RAD54L2: variants seen among roughly 807,000 people sequenced by gnomAD.
RAD54L2 encodes the protein helicase ARIP4.
RAD54L2 carries 27 observed loss-of-function variants against 138.4 expected under a neutral mutation model. That is an observed-to-expected ratio of 0.20 (90% CI 0.14 to 0.27). The LOEUF (loss-of-function observed/expected upper bound fraction) is 0.27, where lower values mean the gene tolerates loss of function less well. RAD54L2 is among the 10% of genes least tolerant of loss of function. RAD54L2 has a pLI of 1.00. For missense variants in RAD54L2, 1,396 were observed against 1,890.2 expected, an observed-to-expected ratio of 0.74 and a Z score of 4.85; for synonymous variants, 644 against 723.2, an observed-to-expected ratio of 0.89 and a Z score of 1.76.
Position 51,657,665 on chromosome 3 carries a change from A to G in RAD54L2, c.3312A>G (p.Thr1104=). ...AGAGCATCCACATCATCCGTGGGAC[A>G]AAAGGTAAGAGCCTGACCAAGGACC... The part of the protein sequence containing the change: ...AGESIHIIRG[T]KGTYIRTSDG... The change falls in exon 21 of 23, where the codon ACA becomes ACG. Residue 1104 remains threonine (T), a synonymous_variant. Transcript: ENST00000684192. 1 of 1,561,352 alleles carries G rather than the reference A, an allele frequency of 6.4e-7. No individual in the cohort carries two copies. The highest frequency in any genetic ancestry group is 2.3e-5 in the East Asian group (1 of 42,994).
At chr3:51,599,504 A>C (rs916032817) in intron 3 of RAD54L2, among the ~76,000 whole-genome samples, 1 of 151,970 alleles carries the variant, frequency 6.6e-6, no homozygotes, top group Admixed American at 6.6e-5. Flanking sequence ...ATCAAACCTG[A>C]ATAAAGGTGG....
At chr3:51,583,505 C>T (rs1298840411) in intron 2 of RAD54L2, among the ~76,000 whole-genome samples, 2 of 151,684 alleles carry the variant, frequency 1.3e-5, no homozygotes, top group Non-Finnish European at 2.9e-5. Flanking sequence ...CCACAACCTC[C>T]ACCTCCCGGG....
intron 7 of RAD54L2, among the ~76,000 whole-genome samples, chr3:51,631,910 A>G (rs898571374): frequency 6.6e-6 from 1 of 152,208 alleles, no homozygotes; most frequent in African/African-American, 2.4e-5. Context: ...TTAGGATTAC[A>G]GGCGTGAGCC....
chr3:51,643,769 G>C, intron 15 of RAD54L2, 106 bp from the exon 16 acceptor site: 1 of 868,422 alleles, frequency 1.2e-6, no homozygotes, highest in South Asian at 1.4e-5. Context: ...TCTGAGCACT[G>C]TTGTATTTCT....
intron 8 of RAD54L2, 37 bp downstream of exon 8, chr3:51,633,796 C>T (rs1221429672): frequency 6.2e-7 from 1 of 1,611,070 alleles, no homozygotes; most frequent in East Asian, 2.2e-5. Flanking sequence ...TAAGTCACTC[C>T]TGAAGAGCTC....
intron 2 of RAD54L2, among the ~76,000 whole-genome samples, chr3:51,588,809 G>C (rs904601977): frequency 3.9e-5 from 6 of 152,138 alleles, no homozygotes; most frequent in African/African-American, 1.4e-4. Flanking sequence ...GACTGAATGT[G>C]AATGAATGAA....
chr3:51,659,340 T>C (rs1258781157), intron 21 of RAD54L2, among the ~76,000 whole-genome samples: 1 of 152,012 alleles, frequency 6.6e-6, no homozygotes, highest in South Asian at 2.1e-4. Context: ...CTCCTGACCT[T>C]GTGATCCACC....
chr3:51,574,508 T>A (rs892031468), intron 2 of RAD54L2, among the ~76,000 whole-genome samples: 1 of 152,146 alleles, frequency 6.6e-6, no homozygotes, highest in African/African-American at 2.4e-5. Context: ...CCAGCACCTG[T>A]TGTTTCCTGA....
Position 51,577,388 on chromosome 3 carries a change from C to T in RAD54L2, c.-54-12979C>T, listed in dbSNP as rs541916244. Reference sequence around the variant, plus strand: ...GCTTGGTGCAGAGCTGAGTTCAATTCCTGGATATCCTTGTTAAGTTTCTGT... The same window carrying T: ...GCTTGGTGCAGAGCTGAGTTCAATTTCTGGATATCCTTGTTAAGTTTCTGT... On this transcript the variant is annotated intron_variant, in intron 2 of 22. Transcript: ENST00000684192. Among the ~76,000 whole-genome samples the T allele has an allele frequency of 2.1e-4, 32 of 152,180 alleles. 2 individuals are homozygous for T. In the South Asian group the frequency reaches 6.0e-3, roughly 29 times the overall value.
intron 3 of RAD54L2, among the ~76,000 whole-genome samples, chr3:51,608,829 T>C (rs1196785746): frequency 6.6e-6 from 1 of 151,882 alleles, no homozygotes; most frequent in African/African-American, 2.4e-5. Context: ...AGCCTTGGCT[T>C]GGCATCAGAG....
chr3:51,659,548 T>C (rs182075757), intron 21 of RAD54L2, among the ~76,000 whole-genome samples: 31 of 152,350 alleles, frequency 2.0e-4, no homozygotes, highest in African/African-American at 7.5e-4. Context: ...TGCAGGTCTT[T>C]CTTGAATTAT....
At chr3:51,563,533 T>C (rs1471148765) in intron 2 of RAD54L2, among the ~76,000 whole-genome samples, 1 of 152,160 alleles carries the variant, frequency 6.6e-6, no homozygotes, top group East Asian at 1.9e-4. Flanking sequence ...AGCCTCTTTA[T>C]GTCAGGGTGC....
chr3:51,590,708 A>T, intron 3 of RAD54L2, 149 bp downstream of exon 3: 1 of 1,099,072 alleles, frequency 9.1e-7, no homozygotes, highest in South Asian at 1.4e-5. Flanking sequence ...ATGAATTCAG[A>T]TGCTCATTCC....
chr3:51,580,941 T>C (rs771788644), intron 2 of RAD54L2, among the ~76,000 whole-genome samples: 8 of 152,198 alleles, frequency 5.3e-5, no homozygotes, highest in Non-Finnish European at 1.0e-4. Context: ...AATACAAAAG[T>C]ATATATCACA....
chr3:51,587,517 C>T (rs962112569), intron 2 of RAD54L2, among the ~76,000 whole-genome samples: 1 of 152,044 alleles, frequency 6.6e-6, no homozygotes, highest in Non-Finnish European at 1.5e-5. Context: ...TCCCTTAATG[C>T]CCTTTGCAGA....
chr3:51,662,130 G>A lies in RAD54L2; in HGVS notation c.3410-296G>A, dbSNP rs2106859450. On this transcript the variant is annotated intron_variant, in intron 22 of 22. Transcript: ENST00000684192. The surrounding 1 kb of genome is among the most constrained non-coding windows in gnomAD (Gnocchi z 4.6). ...CCAGAAAAAGTTTGACTAGTTTTAA[G>A]AATGATCTCTTAGTGTTTCATATCC... is the stretch of plus-strand genomic sequence containing the variant. Among the ~76,000 whole-genome samples, 1 of 152,226 alleles carries A rather than the reference G, an allele frequency of 6.6e-6. No homozygotes were observed.
At chr3:51,615,295 G>C (rs191988384) in intron 3 of RAD54L2, among the ~76,000 whole-genome samples, 20 of 152,318 alleles carry the variant, frequency 1.3e-4, no homozygotes, top group Non-Finnish European at 2.6e-4. Context: ...GATTATAGGC[G>C]TGAGCCACTG....
chr3:51,545,719 A>G (rs1242810245), intron 2 of RAD54L2, among the ~76,000 whole-genome samples: 4 of 151,894 alleles, frequency 2.6e-5, no homozygotes, highest in African/African-American at 9.7e-5. Context: ...AGCTGGGAGT[A>G]CAGGCATGCA....
intron 2 of RAD54L2, among the ~76,000 whole-genome samples, chr3:51,550,001 T>C (rs543885963): frequency 2.6e-4 from 40 of 152,314 alleles, no homozygotes; most frequent in African/African-American, 9.6e-4. Context: ...TCCCTGACTT[T>C]GTGCCCTGCC....
Sources: gnomAD v4.1 joint callset for allele counts (sites outside exome capture counted in the v4.1 genomes callset) on GRCh38, gnomAD v4.1.1 for gene constraint, Gnocchi (gnomAD v3.1) non-coding constraint, MANE v1.5 for transcripts, NCBI Gene and HGNC (gene_info 2026-07-23, HGNC 2026-07-21) for gene names.